Variants in LRP2 observed in about 807,000 individuals in gnomAD.
The protein encoded by LRP2 is low-density lipoprotein receptor-related protein 2.
In LRP2, 172 loss-of-function variants were observed where a neutral mutation model predicts 531.0. The observed-to-expected ratio is 0.32, with a 90% CI of 0.29 to 0.37. LRP2 has a LOEUF of 0.37. LRP2 is among the 10% of genes least tolerant of loss of function. The pLI is 1.00. For synonymous variants in LRP2, 1,992 were observed against 2,027.6 expected (o/e 0.98, Z 0.47); for missense variants, 5,167 against 5,868.3 (o/e 0.88, Z 3.90).
chr2:169,175,241 C>A lies in LRP2; in HGVS notation c.10720G>T (p.Ala3574Ser), dbSNP rs773452067. The A allele has an allele frequency of 1.2e-6, 2 of 1,614,180 alleles. No homozygotes were observed. Among genetic ancestry groups the A allele is most frequent in the Non-Finnish European group, 1.7e-6 (2 of 1,180,036 alleles). ...NCTSPQTLCN[A>S]HQNCPDGSDE... ...GACCCATCAGGGCAATTTTGGTGAGCATTGCATAAAGTCTGCGGGCTGGTG... is the reference window on the plus strand; with the variant it reads ...GACCCATCAGGGCAATTTTGGTGAGAATTGCATAAAGTCTGCGGGCTGGTG... Residue 3574 changes from alanine (A) to serine (S), a missense_variant, in exon 55 of 79, where the codon GCT (alanine) becomes TCT (serine). Around this residue, in one of 6 missense-constraint regions of LRP2, gnomAD observed 311 missense variants for 309.4 expected, o/e 1.01. Transcript: ENST00000649046.
At chr2:169,312,534 C>A (rs6433114) in intron 3 of LRP2, among the ~76,000 whole-genome samples, 50,115 of 151,794 alleles carry the variant, frequency 0.33, 8,776 homozygotes, top group African/African-American at 0.46. Flanking sequence ...ATTGGCCCCC[C>A]CTCTCTTCTG....
At chr2:169,154,996 C>T (rs921354977) in intron 65 of LRP2, among the ~76,000 whole-genome samples, 1 of 152,142 alleles carries the variant, frequency 6.6e-6, no homozygotes, top group African/African-American at 2.4e-5. Flanking sequence ...TATAGTCTTA[C>T]TAAAAGTTTA....
At chr2:169,205,945 A>G in intron 40 of LRP2, 78 bp downstream of exon 40, 2 of 1,543,400 alleles carry the variant, frequency 1.3e-6, no homozygotes, top group Non-Finnish European at 1.8e-6. Context: ...CACATTGGCT[A>G]TCTATGAACA....
In LRP2 at chr2:169,162,834, C is replaced by T. The variant is rs532116385; in HGVS notation, c.11759-234G>A. ...CAATGAAAAGCACACGTGCCTCCTC[C>T]GTGTCTCCTGTGCTGCTGCAGCAAC... On this transcript the variant is annotated intron_variant, in intron 62 of 78. Transcript: ENST00000649046. 1.2e-4 allele frequency among the ~76,000 whole-genome samples: 18 copies of T among 152,332 alleles called. No homozygotes were observed. In the South Asian group the frequency reaches 2.9e-3, roughly 25 times the overall value.
At position 169,198,846 on chromosome 2, in the gene LRP2, A is replaced by G; in HGVS notation, c.8518T>C (p.Tyr2840His). The stretch of plus-strand genomic sequence containing the variant: ...CAGTCATTGTCTCCGTCACACAAAT[A>G]AACGCGAGGAATACAAATATTTGAA... ...HNSNICIPRV[Y>H]LCDGDNDCGD... is the part of the protein sequence containing the mutation. Residue 2840 changes from tyrosine to histidine, a missense_variant, in exon 45 of 79, where the codon TAT (tyrosine) becomes CAT (histidine). Physicochemically the swap from Tyr to His is moderately conservative, Grantham distance 83. Transcript: ENST00000649046. The G allele has an allele frequency of 1.2e-6, 2 of 1,614,058 alleles. No individual in the cohort carries two copies. The highest frequency in any genetic ancestry group is 1.7e-6 in the Non-Finnish European group (2 of 1,179,926).
At chr2:169,188,473 C>G (rs538955826) in intron 48 of LRP2, among the ~76,000 whole-genome samples, 1 of 152,274 alleles carries the variant, frequency 6.6e-6, no homozygotes, top group African/African-American at 2.4e-5. Flanking sequence ...ATTTGGCATT[C>G]CACACAACTT....
intron 63 of LRP2, among the ~76,000 whole-genome samples, chr2:169,157,915 T>A (rs372239861): frequency 2.8e-4 from 17 of 61,288 alleles, no homozygotes; most frequent in African/African-American, 8.3e-4. Context: ...AGATAACAGA[T>A]AGAAATAAAT....
chr2:169,285,111 C>G (rs933212336), intron 9 of LRP2, among the ~76,000 whole-genome samples: 2 of 148,856 alleles, frequency 1.3e-5, no homozygotes, highest in African/African-American at 2.5e-5. Flanking sequence ...GGGTTTGAGA[C>G]TAGCCTGGGC....
At position 169,188,045 on chromosome 2, in the gene LRP2, C is replaced by G; in HGVS notation, c.9253G>C (p.Gly3085Arg). ...CPPHEFKCDN[G>R]RCIEMMKLCN... is the part of the protein sequence containing the mutation. The stretch of plus-strand genomic sequence containing the variant: ...AGTTTCATCATCTCGATGCAGCGCC[C>G]ATTGTCACACTTGAACTCGTGAGGT... The change falls in exon 49 of 79, where the codon GGG becomes CGG. Residue 3085 changes from glycine to arginine, a missense_variant. This residue lies in a region of LRP2 where 1,129 missense variants were observed against 1,362.7 expected (regional missense o/e 0.83). Coordinates refer to ENST00000649046, the MANE Select transcript of LRP2 (RefSeq NM_004525.3). 6.2e-7 allele frequency: 1 copy of G among 1,614,064 alleles called. No individual in the cohort carries two copies.
At chr2:169,301,421 AT>A (rs1684283185) in intron 4 of LRP2, among the ~76,000 whole-genome samples, 1 of 151,660 alleles carries the variant, frequency 6.6e-6, no homozygotes, top group Admixed American at 6.6e-5. Context: ...AAAAAAGTTA[AT>A]TGACAAGCTG....
intron 36 of LRP2, 93 bp from the exon 37 acceptor site, chr2:169,212,300 T>C: frequency 6.6e-7 from 1 of 1,523,552 alleles, no homozygotes; most frequent in Non-Finnish European, 9.1e-7. Context: ...AATAATTTAT[T>C]CTAAAAATTA....
intron 4 of LRP2, among the ~76,000 whole-genome samples, chr2:169,304,875 T>C (rs993092879): frequency 2.6e-5 from 4 of 152,166 alleles, no homozygotes; most frequent in African/African-American, 9.7e-5. Context: ...CATGGAATAC[T>C]ACGCAGCCCT....
rs770500133 is a variant in LRP2 at position 169,290,993 on chromosome 2, G to A, written c.774C>T (p.Ser258=). 9.3e-6 allele frequency: 15 copies of A among 1,613,772 alleles called. No homozygotes were observed. Among genetic ancestry groups the A allele is most frequent in the East Asian group, 6.7e-5 (3 of 44,886 alleles). ...KDNGDEDGCE[S]GPHDVHKCSP... The stretch of plus-strand genomic sequence containing the variant: ...AACATTTATGAACATCATGAGGACC[G>A]CTTTCTGTGGGGGGAAAAAGAGAGA... The change falls in exon 8 of 79, where the codon AGC becomes AGT. Residue 258 remains serine, a synonymous_variant. Transcript: ENST00000649046.
At chr2:169,166,803 T>C (rs952039385) in intron 61 of LRP2, among the ~76,000 whole-genome samples, 4 of 152,210 alleles carry the variant, frequency 2.6e-5, no homozygotes, top group Non-Finnish European at 5.9e-5. Flanking sequence ...CATGGTTCAC[T>C]ATGCGTGTAC....
Position 169,168,521 on chromosome 2 carries a change from C to T in LRP2, c.11635+18G>A, listed in dbSNP as rs375604083. On this transcript the variant is annotated intron_variant, in intron 61 of 78. Coordinates refer to ENST00000649046, the MANE Select transcript of LRP2 (RefSeq NM_004525.3). ...CAGACAACACCACTCCCATTCACTC[C>T]GTTTCTCTCCCTCTTACAGCACAGG... 1.1e-5 allele frequency: 18 copies of T among 1,613,848 alleles called. No homozygotes were observed. The highest frequency in any genetic ancestry group is 6.7e-5 in the East Asian group (3 of 44,876).
chr2:169,354,459 T>C (rs1685937362), intron 1 of LRP2, among the ~76,000 whole-genome samples: 1 of 152,220 alleles, frequency 6.6e-6, no homozygotes, highest in African/African-American at 2.4e-5. Context: ...CATTTCCTCC[T>C]TTCATTCATT....
intron 15 of LRP2, among the ~76,000 whole-genome samples, chr2:169,271,460 A>G (rs1202548505): frequency 6.6e-6 from 1 of 152,100 alleles, no homozygotes; most frequent in Admixed American, 6.6e-5. Flanking sequence ...ACATGTATAC[A>G]TATGTAACAA....
chr2:169,166,202 A>G, intron 61 of LRP2, 148 bp from the exon 62 acceptor site: 1 of 767,590 alleles, frequency 1.3e-6, no homozygotes, highest in South Asian at 1.5e-5. Context: ...TACACCTTAC[A>G]TGTATAGTAC....
Position 169,234,916 on chromosome 2 carries a change from T to G in LRP2, c.4920+924A>C, listed in dbSNP as rs960516419. Among the ~76,000 whole-genome samples, 606 of 132,674 alleles carry G rather than the reference T, an allele frequency of 4.6e-3. 1 individual carries two copies. The highest frequency in any genetic ancestry group is 6.4e-3 in the Non-Finnish European group (409 of 63,648). 87.0% of individuals were successfully genotyped at this position (132,674 alleles called of 152,430 possible). On this transcript the variant is annotated intron_variant, in intron 29 of 78. Transcript: ENST00000649046. ...ATATAAATCTAGTTAATTTTTGTTT[T>G]TTTTTTTTTTGAAAACAGGGTCTCA...
Sources: gnomAD v4.1 joint callset for allele counts (sites outside exome capture counted in the v4.1 genomes callset) on GRCh38, gnomAD v4.1.1 for gene constraint, gnomAD v4.1.1 regional missense constraint, MANE v1.5 for transcripts, NCBI Gene and HGNC (gene_info 2026-07-23, HGNC 2026-07-21) for gene names.